Variants in FARS2 observed in about 807,000 individuals in gnomAD.
FARS2 encodes the protein phenylalanine--tRNA ligase, mitochondrial.
FARS2 carries 40 observed loss-of-function variants against 46.4 expected under a neutral mutation model. That is an observed-to-expected ratio of 0.86 (90% CI 0.67 to 1.12). The LOEUF (loss-of-function observed/expected upper bound fraction) is 1.12, where lower values mean the gene tolerates loss of function less well. Ranked by LOEUF, FARS2 falls within the 50% of genes most tolerant of loss-of-function variation. The pLI is 0.00. For synonymous variants in FARS2, 234 were observed against 214.9 expected (o/e 1.09, Z -0.78); for missense variants, 513 against 567.9 (o/e 0.90, Z 0.98).
intron 6 of FARS2, among the ~76,000 whole-genome samples, chr6:5,750,402 C>T (rs1761879537): frequency 1.3e-5 from 2 of 152,086 alleles, no homozygotes; most frequent in Non-Finnish European, 2.9e-5. Context: ...CTACTTGTAC[C>T]CTTGATCAGA....
At chr6:5,623,595 C>G (rs1775881954) in intron 6 of FARS2, among the ~76,000 whole-genome samples, 1 of 151,946 alleles carries the variant, frequency 6.6e-6, no homozygotes, top group African/African-American at 2.4e-5. Flanking sequence ...GCCTGTAATC[C>G]CAGCTACTCA....
intron 6 of FARS2, among the ~76,000 whole-genome samples, chr6:5,631,132 G>C (rs1433165852): frequency 6.6e-6 from 1 of 152,136 alleles, no homozygotes; most frequent in Non-Finnish European, 1.5e-5. Context: ...ATAAGAGAAA[G>C]AAAGCTGGGA....
At chr6:5,719,442 G>GAGAGAAAGAGAGAA (rs140806785) in intron 6 of FARS2, among the ~76,000 whole-genome samples, 51,951 of 144,328 alleles carry the variant, frequency 0.36, 10,911 homozygotes, top group Non-Finnish European at 0.48. Context: ...AGGAAAGAAA[G>GAGAGAAAGAGAGAA]AGAGAAAGAG....
intron 4 of FARS2, among the ~76,000 whole-genome samples, chr6:5,465,982 C>T (rs760177620): frequency 4.6e-5 from 7 of 152,170 alleles, no homozygotes; most frequent in Non-Finnish European, 1.0e-4. Flanking sequence ...TAACATACCT[C>T]AATAACTCTG....
chr6:5,771,231 G>T, intron 6 of FARS2, 60 bp from the exon 7 acceptor site: 1 of 1,605,614 alleles, frequency 6.2e-7, no homozygotes, highest in South Asian at 1.1e-5. Context: ...AAGCCACACT[G>T]CTCCTTCAGG....
At chr6:5,260,719 A>T (rs1380123658), upstream of FARS2, 2 of 1,550,208 alleles carry the variant, frequency 1.3e-6, no homozygotes, top group Non-Finnish European at 1.7e-6. Flanking sequence ...CTTGTGCGCG[A>T]CTGGAGGCTG....
intron 5 of FARS2, among the ~76,000 whole-genome samples, chr6:5,558,870 T>C (rs935401110): frequency 3.3e-5 from 5 of 152,090 alleles, no homozygotes; most frequent in Non-Finnish European, 7.3e-5. Flanking sequence ...TTCACTGTCC[T>C]TTATGGTGAA....
chr6:5,440,286 A>G (rs1385280160), intron 4 of FARS2, among the ~76,000 whole-genome samples: 1 of 152,202 alleles, frequency 6.6e-6, no homozygotes, highest in Non-Finnish European at 1.5e-5. Flanking sequence ...GTAGAATCAT[A>G]CTTTGAATAT....
At chr6:5,328,758 A>C (rs1756178290) in intron 1 of FARS2, among the ~76,000 whole-genome samples, 1 of 152,126 alleles carries the variant, frequency 6.6e-6, no homozygotes, top group African/African-American at 2.4e-5. Context: ...AAGGCCTTGT[A>C]AGTAAGAGGT....
chr6:5,722,497 C>G (rs115842854), intron 6 of FARS2, among the ~76,000 whole-genome samples: 6,539 of 152,232 alleles, frequency 0.043, 180 homozygotes, highest in Middle Eastern at 0.075. Context: ...GCTGCGGAGG[C>G]AGTGACGTTT....
intron 4 of FARS2, among the ~76,000 whole-genome samples, chr6:5,441,191 G>GGT: frequency 6.6e-6 from 1 of 152,156 alleles, no homozygotes; most frequent in Non-Finnish European, 1.5e-5. Flanking sequence ...CAAAGTGTTG[G>GGT]GATTACAGGC....
chr6:5,578,808 C>CAAAAAAAAAAAAAAA (rs56248218), intron 5 of FARS2, among the ~76,000 whole-genome samples: 5 of 124,372 alleles, frequency 4.0e-5, no homozygotes, highest in Admixed American at 8.3e-5. Context: ...CACTCCGTCT[C>CAAAAAAAAAAAAAAA]AAAAAAAAAA....
intron 5 of FARS2, among the ~76,000 whole-genome samples, chr6:5,550,865 G>T (rs1771331013): frequency 6.6e-6 from 1 of 152,058 alleles, no homozygotes; most frequent in Admixed American, 6.5e-5. Context: ...GGGGATCCTT[G>T]ACTCATATGC....
chr6:5,733,243 G>A (rs970376134), intron 6 of FARS2, among the ~76,000 whole-genome samples: 27 of 152,278 alleles, frequency 1.8e-4, no homozygotes, highest in African/African-American at 6.3e-4. Flanking sequence ...GGAAATCACA[G>A]TAGCACTTTC....
At chr6:5,625,878 G>C (rs1225681088) in intron 6 of FARS2, among the ~76,000 whole-genome samples, 1 of 152,198 alleles carries the variant, frequency 6.6e-6, no homozygotes, top group African/African-American at 2.4e-5. Context: ...GGAATCACAA[G>C]GCTGAATCTC....
At chr6:5,415,809 C>T (rs148230431) in intron 3 of FARS2, among the ~76,000 whole-genome samples, 2,228 of 152,036 alleles carry the variant, frequency 0.015, 26 homozygotes, top group Middle Eastern at 0.028. Context: ...CCAGGTCAAG[C>T]GATGCGCCCA....
chr6:5,725,974 A>C (rs1010402125), intron 6 of FARS2, among the ~76,000 whole-genome samples: 1 of 152,074 alleles, frequency 6.6e-6, no homozygotes, highest in African/African-American at 2.4e-5. Context: ...TATAATCACC[A>C]CCATTGTCAT....
Position 5,341,225 on chromosome 6 carries a change from A to T in FARS2, c.-21-27325A>T, listed in dbSNP as rs1468761168. 7.6e-3 allele frequency among the ~76,000 whole-genome samples: 37 copies of T among 4,868 alleles called. 1 individual carries two copies. The highest frequency in any genetic ancestry group is 0.024 in the African/African-American group (26 of 1,066). 3.2% of individuals were successfully genotyped at this position (4,868 alleles called of 152,430 possible). ...TATATATATATATATATATATATAT[A>T]TATATATATATTTTTTTTTTTTTTT... is the stretch of plus-strand genomic sequence containing the variant. On this transcript the variant is annotated intron_variant, in intron 1 of 6. Transcript: ENST00000274680.
At chr6:5,396,776 GGTA>G (rs925036574) in intron 2 of FARS2, among the ~76,000 whole-genome samples, 7 of 152,168 alleles carry the variant, frequency 4.6e-5, no homozygotes, top group Non-Finnish European at 8.8e-5. Flanking sequence ...CAGGCCTCTT[GGTA>G]GTAGTGGCAA....
Sources: gnomAD v4.1 joint callset for allele counts (sites outside exome capture counted in the v4.1 genomes callset) on GRCh38, gnomAD v4.1.1 for gene constraint, MANE v1.5 for transcripts, NCBI Gene and HGNC (gene_info 2026-07-23, HGNC 2026-07-21) for gene names.